MCTP2: variants seen among roughly 807,000 people sequenced by gnomAD.
MCTP2 encodes multiple C2 and transmembrane domain-containing protein 2.
MCTP2 carries 132 observed loss-of-function variants against 111.6 expected under a neutral mutation model. That is an observed-to-expected ratio of 1.18 (90% confidence interval 1.03 to 1.37). The LOEUF (loss-of-function observed/expected upper bound fraction) is 1.37. Ranked by LOEUF, MCTP2 falls within the 40% of genes most tolerant of loss-of-function variation. The pLI is 0.00. For missense variants in MCTP2, 1,183 were observed against 1,067.9 expected (o/e 1.11, Z -1.50); for synonymous variants, 395 against 387.7 (o/e 1.02, Z -0.22).
chr15:94,459,732 A>G (rs2085068987), intron 20 of MCTP2, among the ~76,000 whole-genome samples: 1 of 152,174 alleles, frequency 6.6e-6, no homozygotes, highest in African/African-American at 2.4e-5. Context: ...TCCTCACTCA[A>G]CTATCAGTTA....
intron 10 of MCTP2, among the ~76,000 whole-genome samples, chr15:94,362,032 G>C (rs1219383663): frequency 6.6e-6 from 1 of 152,074 alleles, no homozygotes; most frequent in Non-Finnish European, 1.5e-5. Context: ...GATTCCCCCT[G>C]AGCCACAAGT....
intron 19 of MCTP2, among the ~76,000 whole-genome samples, chr15:94,452,433 T>A (rs895018275): frequency 1.3e-5 from 2 of 152,196 alleles, no homozygotes; most frequent in African/African-American, 4.8e-5. Flanking sequence ...CAAGCTTGAG[T>A]TGGGCCTTCC....
rs150441534 is a variant in MCTP2 at position 94,478,917 on chromosome 15, C to CGAG, written c.2569-48_2569-46dup. ...GGGGAGCCATTAGCACACACTGTGG[C>CGAG]GAGCTAGGGTTACCTAACCGCCAGC... On this transcript the variant is annotated intron_variant, in intron 22 of 22. Coordinates refer to ENST00000357742, the MANE Select transcript of MCTP2 (RefSeq NM_001385001.1). 4,925 of 1,557,620 alleles carry CGAG rather than the reference C, an allele frequency of 3.2e-3. 137 individuals carry two copies. The African/African-American group carries it at 0.059, about 19-fold the overall frequency.
intron 17 of MCTP2, among the ~76,000 whole-genome samples, chr15:94,416,731 T>G (rs2152490410): frequency 6.6e-6 from 1 of 152,140 alleles, no homozygotes; most frequent in South Asian, 2.1e-4. Flanking sequence ...GAAAATATAG[T>G]GCAGAATTCT....
intron 8 of MCTP2, among the ~76,000 whole-genome samples, chr15:94,352,395 A>C (rs2078353254): frequency 6.6e-6 from 1 of 152,220 alleles, no homozygotes; most frequent in Non-Finnish European, 1.5e-5. Context: ...TTTCTGTTTT[A>C]GAAAAATGGG....
At chr15:94,270,071 C>G (rs1306720023) in intron 1 of MCTP2, among the ~76,000 whole-genome samples, 1 of 152,012 alleles carries the variant, frequency 6.6e-6, no homozygotes, top group Non-Finnish European at 1.5e-5. Flanking sequence ...CGTTATGTTC[C>G]TGTTGGGGAC....
In MCTP2 at chr15:94,441,475, AT is replaced by A. The variant is rs2083775461; in HGVS notation, c.2208+1178del. ...TTTTTACAATGTTTACGCAGGTTTT[AT>A]GTTGCCCACTGTGTATATATGTTTA... On this transcript the variant is annotated intron_variant, in intron 18 of 22. Transcript: ENST00000357742. Among the ~76,000 whole-genome samples the A allele has an allele frequency of 2.0e-5, 3 of 152,302 alleles. No individual in the cohort carries two copies. In the South Asian group the frequency reaches 6.2e-4, roughly 32 times the overall value.
chr15:94,477,508 G>T (rs951025119), intron 22 of MCTP2, among the ~76,000 whole-genome samples: 1 of 152,192 alleles, frequency 6.6e-6, no homozygotes, highest in Non-Finnish European at 1.5e-5. Context: ...AGGAGGGCAG[G>T]CGGCAGTTTC....
chr15:94,468,241 C>G (rs904264751), intron 20 of MCTP2, among the ~76,000 whole-genome samples: 12 of 150,024 alleles, frequency 8.0e-5, no homozygotes, highest in Non-Finnish European at 1.3e-4. Flanking sequence ...TACAATGTGC[C>G]AGACACTGAG....
At chr15:94,275,049 A>C (rs1288839676) in intron 1 of MCTP2, among the ~76,000 whole-genome samples, 1 of 152,182 alleles carries the variant, frequency 6.6e-6, no homozygotes, top group Admixed American at 6.5e-5. Context: ...ATTAACAGAA[A>C]AGGAGGAAAT....
chr15:94,243,796 CAT>C (rs563295311), intron 1 of MCTP2, among the ~76,000 whole-genome samples: 62 of 144,886 alleles, frequency 4.3e-4, no homozygotes, highest in East Asian at 4.2e-3. Context: ...TGTATATACA[CAT>C]ATGCGTATAT....
At chr15:94,360,970 A>G (rs2078900067) in intron 10 of MCTP2, among the ~76,000 whole-genome samples, 1 of 151,530 alleles carries the variant, frequency 6.6e-6, no homozygotes, top group African/African-American at 2.4e-5. Context: ...AGGTGGGGGA[A>G]ATCTACGGTA....
intron 14 of MCTP2, among the ~76,000 whole-genome samples, chr15:94,386,989 T>G (rs900931787): frequency 3.9e-5 from 6 of 152,058 alleles, no homozygotes; most frequent in Non-Finnish European, 7.4e-5. Context: ...AAAGTCAAAG[T>G]GTGTGGTGGC....
chr15:94,326,144 T>C (rs1374137323), intron 4 of MCTP2, among the ~76,000 whole-genome samples: 1 of 152,156 alleles, frequency 6.6e-6, no homozygotes, highest in African/African-American at 2.4e-5. Context: ...AATCTATTTT[T>C]CTTTCTAAAA....
chr15:94,476,687 A>G lies in MCTP2; in HGVS notation c.2471-9A>G, dbSNP rs74029268. The stretch of plus-strand genomic sequence containing the variant: ...AGATAAAGAGATCTCCTGTGTTTCT[A>G]TTTTTCAGGCATAAATAAATTTACT... On this transcript the variant is annotated splice_polypyrimidine_tract_variant and intron_variant, in intron 21 of 22. Transcript: ENST00000357742. 0.02 allele frequency: 28,511 copies of G among 1,433,116 alleles called. 1,444 individuals carry two copies. Among genetic ancestry groups the G allele is most frequent in the African/African-American group, 0.12 (8,107 of 68,908 alleles). 88.8% of individuals were successfully genotyped at this position (1,433,116 alleles called of 1,614,324 possible). A position where few individuals can be genotyped will look rare whatever the true frequency, so the allele number is the denominator to read the frequency against.
intron 14 of MCTP2, among the ~76,000 whole-genome samples, chr15:94,394,620 C>T (rs941698141): frequency 2.0e-5 from 3 of 151,878 alleles, no homozygotes; most frequent in Admixed American, 2.0e-4. Flanking sequence ...AAAAAATTAG[C>T]TAGGTGTGGT....
intron 18 of MCTP2, among the ~76,000 whole-genome samples, chr15:94,441,251 T>C (rs1190810839): frequency 6.6e-6 from 1 of 152,210 alleles, no homozygotes; most frequent in African/African-American, 2.4e-5. Context: ...AGGAAAAACC[T>C]CAGGCAATTT....
chr15:94,252,724 A>T (rs771774750), intron 1 of MCTP2, among the ~76,000 whole-genome samples: 26 of 152,118 alleles, frequency 1.7e-4, no homozygotes, highest in Non-Finnish European at 3.2e-4. Flanking sequence ...TAAACTTATA[A>T]GTGTAACTTA....
intron 1 of MCTP2, among the ~76,000 whole-genome samples, chr15:94,275,694 G>A (rs8025498): frequency 0.13 from 20,083 of 151,852 alleles, 1,458 homozygotes; most frequent in Non-Finnish European, 0.17. Flanking sequence ...TGGAACCTTT[G>A]TTAAATCTTA....
Sources: gnomAD v4.1 joint callset for allele counts (sites outside exome capture counted in the v4.1 genomes callset) on GRCh38, gnomAD v4.1.1 for gene constraint, MANE v1.5 for transcripts, NCBI Gene and HGNC (gene_info 2026-07-23, HGNC 2026-07-21) for gene names.